The following SGCZ variants were observed in gnomAD, a reference collection of about 807,000 sequenced individuals.
SGCZ encodes the protein sarcoglycan zeta, also known as zeta-sarcoglycan.
SGCZ carries 40 observed loss-of-function variants against 41.3 expected under a neutral mutation model. The observed-to-expected ratio is 0.97, with a 90% CI of 0.75 to 1.26. The LOEUF (loss-of-function observed/expected upper bound fraction) is 1.26, where lower values mean the gene tolerates loss of function less well. Ranked by LOEUF, SGCZ falls within the 50% of genes most tolerant of loss-of-function variation. The pLI is 0.00. For missense variants in SGCZ, 552 were observed against 369.8 expected (o/e 1.49, Z -4.04); for synonymous variants, 206 against 137.5 (o/e 1.50, Z -3.49).
At chr8:15,230,824 C>T (rs569551439) in intron 1 of SGCZ, among the ~76,000 whole-genome samples, 1 of 152,132 alleles carries the variant, frequency 6.6e-6, no homozygotes, top group South Asian at 2.1e-4. Flanking sequence ...AGACATTGGA[C>T]AAATTCTTCA....
At chr8:15,132,854 G>C (rs1002575458) in intron 1 of SGCZ, among the ~76,000 whole-genome samples, 2 of 152,076 alleles carry the variant, frequency 1.3e-5, no homozygotes, top group Admixed American at 6.5e-5. Flanking sequence ...AAAAATAAAA[G>C]AAGTGGCCAG....
rs532893370 is a variant in SGCZ, at chr8:14,797,712, C to A, written c.40-242786G>T. Among the ~76,000 whole-genome samples the A allele has an allele frequency of 5.9e-5, 9 of 152,302 alleles. No individual in the cohort carries two copies. The South Asian group carries it at 1.5e-3, about 25-fold the overall frequency. ...CAGAGACCTTTGTGGCAGCCCCTCC[C>A]ATCACAGGCCCTGAGGCCTAGGAGG... On this transcript the variant is annotated intron_variant, in intron 1 of 7. Transcript: ENST00000382080.
intron 1 of SGCZ, among the ~76,000 whole-genome samples, chr8:14,939,327 C>G (rs1282614920): frequency 1.3e-5 from 2 of 152,140 alleles, no homozygotes; most frequent in African/African-American, 4.8e-5. Context: ...AAACCTAGCT[C>G]AAACTGTTAA....
At chr8:15,220,360 T>G (rs975462888) in intron 1 of SGCZ, among the ~76,000 whole-genome samples, 1 of 152,276 alleles carries the variant, frequency 6.6e-6, no homozygotes. Flanking sequence ...AAGCATGTTT[T>G]CTTGATATTG....
intron 1 of SGCZ, among the ~76,000 whole-genome samples, chr8:14,858,035 T>C (rs770016662): frequency 6.6e-6 from 1 of 152,164 alleles, no homozygotes; most frequent in East Asian, 1.9e-4. Context: ...TGGTCTGTAA[T>C]GTGAACTTTA....
intron 4 of SGCZ, among the ~76,000 whole-genome samples, chr8:14,198,128 T>G (rs902986638): frequency 6.6e-6 from 1 of 152,234 alleles, no homozygotes; most frequent in Non-Finnish European, 1.5e-5. Context: ...AGTTTTAAAC[T>G]GCATGCTGTT....
At chr8:14,690,747 G>T (rs951905354) in intron 1 of SGCZ, 18 of 152,086 alleles carry the variant, frequency 1.2e-4, no homozygotes, top group African/African-American at 4.3e-4. Context: ...ATGGCTCTAG[G>T]TAAAACAATT....
intron 2 of SGCZ, among the ~76,000 whole-genome samples, chr8:14,494,180 TTGG>T (rs1801923471): frequency 6.6e-6 from 1 of 152,080 alleles, no homozygotes; most frequent in African/African-American, 2.4e-5. Context: ...ACAGAAAAAT[TTGG>T]TGTTTACTGG....
At chr8:14,251,014 G>C (rs1329242965) in intron 3 of SGCZ, among the ~76,000 whole-genome samples, 1 of 152,126 alleles carries the variant, frequency 6.6e-6, no homozygotes, top group African/African-American at 2.4e-5. Flanking sequence ...GATCACCTGA[G>C]GTCAGGAGCT....
chr8:14,919,013 G>C (rs577007823), intron 1 of SGCZ, among the ~76,000 whole-genome samples: 2 of 152,262 alleles, frequency 1.3e-5, no homozygotes, highest in East Asian at 3.9e-4. Context: ...CCTTGGATAA[G>C]ACTTTACCCT....
intron 2 of SGCZ, among the ~76,000 whole-genome samples, chr8:14,334,267 G>A (rs1463975761): frequency 6.6e-6 from 1 of 151,850 alleles, no homozygotes; most frequent in Non-Finnish European, 1.5e-5. Context: ...CCTAACTATG[G>A]CACTAAATAT....
At chr8:14,366,501 G>C (rs952065586) in intron 2 of SGCZ, among the ~76,000 whole-genome samples, 6 of 151,988 alleles carry the variant, frequency 3.9e-5, no homozygotes, top group Admixed American at 1.3e-4. Context: ...AAAATTTGGT[G>C]GGGGGGACAC....
intron 4 of SGCZ, among the ~76,000 whole-genome samples, chr8:14,230,435 C>G (rs56656905): frequency 2.6e-5 from 4 of 151,604 alleles, no homozygotes; most frequent in Non-Finnish European, 5.9e-5. Flanking sequence ...CTATATGAGG[C>G]AAATACTCAT....
intron 1 of SGCZ, among the ~76,000 whole-genome samples, chr8:14,791,930 A>G (rs1467185403): frequency 6.6e-6 from 1 of 152,252 alleles, no homozygotes; most frequent in African/African-American, 2.4e-5. Context: ...AATGCAAAGC[A>G]CAGCTTCAAG....
intron 1 of SGCZ, among the ~76,000 whole-genome samples, chr8:15,029,848 A>G (rs1394512005): frequency 1.3e-5 from 2 of 152,194 alleles, no homozygotes; most frequent in African/African-American, 4.8e-5. Context: ...GGCTTCCATG[A>G]GATGATTATA....
At chr8:14,673,213 A>G (rs528619078) in intron 1 of SGCZ, among the ~76,000 whole-genome samples, 4 of 152,286 alleles carry the variant, frequency 2.6e-5, no homozygotes, top group Admixed American at 1.3e-4. Flanking sequence ...TTTATGACCT[A>G]TTAGATGGTT....
At chr8:15,157,443 C>T (rs375327374) in intron 1 of SGCZ, among the ~76,000 whole-genome samples, 1 of 151,418 alleles carries the variant, frequency 6.6e-6, no homozygotes, top group African/African-American at 2.4e-5. Flanking sequence ...AAAAGTAGCC[C>T]GTAATTTTTT....
chr8:14,225,210 G>A (rs1806330937), intron 4 of SGCZ, among the ~76,000 whole-genome samples: 1 of 151,848 alleles, frequency 6.6e-6, no homozygotes, highest in African/African-American at 2.4e-5. Context: ...TTTTTATTGT[G>A]GTTTAAGAAG....
chr8:14,664,353 T>C (rs1420655530), intron 1 of SGCZ, among the ~76,000 whole-genome samples: 3 of 152,192 alleles, frequency 2.0e-5, no homozygotes, highest in Non-Finnish European at 4.4e-5. Context: ...AGAATTATGT[T>C]AGATTACTTG....
Sources: gnomAD v4.1 joint callset for allele counts (sites outside exome capture counted in the v4.1 genomes callset) on GRCh38, gnomAD v4.1.1 for gene constraint, MANE v1.5 for transcripts, NCBI Gene and HGNC (gene_info 2026-07-23, HGNC 2026-07-21) for gene names.